KIR3DL2: variants seen among roughly 807,000 people sequenced by gnomAD.
The protein encoded by KIR3DL2 is killer cell immunoglobulin like receptor, three Ig domains and long cytoplasmic tail 2.
KIR3DL2 carries 42 observed loss-of-function variants against 41.6 expected under a neutral mutation model. The ratio of observed to expected loss-of-function variants is 1.01; its 90% confidence interval spans 0.79 to 1.31. The LOEUF is 1.31. KIR3DL2 is among the 50% of genes most tolerant of loss of function. The pLI, the probability that KIR3DL2 is intolerant of heterozygous loss-of-function variation, is 0.00. For synonymous variants in KIR3DL2, 230 were observed against 221.3 expected, an observed-to-expected ratio of 1.04 and a Z score of -0.35; for missense variants, 728 against 576.8, an observed-to-expected ratio of 1.26 and a Z score of -2.68.
At chr19:54,851,390 G>C (rs1601718479) in intron 2 of KIR3DL2, 135 bp downstream of exon 2, 1 of 931,726 alleles carries the variant, frequency 1.1e-6, no homozygotes, top group East Asian at 3.0e-5. Flanking sequence ...CCACATTTCT[G>C]ACCTCGCCCT....
Position 54,866,924 on chromosome 19 carries a change from C to T in KIR3DL2, c.*193C>T. 3.0e-6 allele frequency: 2 copies of T among 666,718 alleles called. No homozygotes were observed. The highest frequency in any genetic ancestry group is 4.0e-4 in the Middle Eastern group (1 of 2,514). The allele number at this position is 666,718 out of a possible 1,614,324, so 41.3% of individuals were successfully genotyped here. A position where few individuals can be genotyped will look rare whatever the true frequency, so the allele number is the denominator to read the frequency against. On this transcript the variant is annotated 3_prime_UTR_variant, in exon 9 of 9. Coordinates refer to ENST00000326321, the MANE Select transcript of KIR3DL2 (RefSeq NM_006737.4). Reference sequence around the variant, plus strand: ...GAGAAAACACACTCCTTTGCTTAGCCCACAAGTATCTATTTCACTTGACCC... The same window carrying T: ...GAGAAAACACACTCCTTTGCTTAGCTCACAAGTATCTATTTCACTTGACCC...
chr19:54,856,716 T>G (rs2064809044), intron 5 of KIR3DL2, among the ~76,000 whole-genome samples: 1 of 151,718 alleles, frequency 6.6e-6, no homozygotes, highest in Admixed American at 6.5e-5. Context: ...TTCTTTTTTT[T>G]GTTACCTTCC....
In KIR3DL2 at chr19:54,866,827, T is replaced by C. The variant is rs2065568457; in HGVS notation, c.*96T>C. ...CAGTCTGCATCTTAGGGGATCGCTC[T>C]TCCTCACACCACGAATCTGAACATG... On this transcript the variant is annotated 3_prime_UTR_variant, in exon 9 of 9. Coordinates refer to ENST00000326321, the MANE Select transcript of KIR3DL2 (RefSeq NM_006737.4). The C allele has an allele frequency of 7.6e-7, 1 of 1,319,364 alleles. No individual in the cohort carries two copies. Among genetic ancestry groups the C allele is most frequent in the South Asian group, 1.3e-5 (1 of 79,586 alleles). The allele number at this position is 1,319,364 out of a possible 1,614,324, so 81.7% of individuals were successfully genotyped here.
At chr19:54,852,609 G>A (rs1248156858) in intron 3 of KIR3DL2, among the ~76,000 whole-genome samples, 13 of 150,512 alleles carry the variant, frequency 8.6e-5, no homozygotes, top group African/African-American at 1.5e-4. Flanking sequence ...ACAAGGGTCC[G>A]CGTGAGAGGT....
chr19:54,866,797 G>C lies in KIR3DL2; in HGVS notation c.*66G>C. 6.5e-7 allele frequency: 1 copy of C among 1,534,938 alleles called. No homozygotes were observed. Among genetic ancestry groups the C allele is most frequent in the South Asian group, 1.1e-5 (1 of 89,004 alleles). ...AATGAACCAGCAGCTGGAATCTGAAGGCATCAGTCTGCATCTTAGGGGATC... is the reference window on the plus strand; with the variant it reads ...AATGAACCAGCAGCTGGAATCTGAACGCATCAGTCTGCATCTTAGGGGATC... On this transcript the variant is annotated 3_prime_UTR_variant, in exon 9 of 9. Transcript: ENST00000326321.
chr19:54,853,068 C>A (rs1368744635), intron 3 of KIR3DL2, among the ~76,000 whole-genome samples: 2 of 151,130 alleles, frequency 1.3e-5, no homozygotes, highest in African/African-American at 4.9e-5. Flanking sequence ...CAAGACAACA[C>A]CACTGCACTC....
intron 5 of KIR3DL2, 53 bp from the exon 6 acceptor site, chr19:54,859,026 A>C: frequency 6.4e-7 from 1 of 1,559,096 alleles, no homozygotes; most frequent in South Asian, 1.1e-5. Flanking sequence ...ATTTCCATTG[A>C]GTAGAGGACA....
In KIR3DL2 at chr19:54,866,921, A is replaced by C; in HGVS notation, c.*190A>C. ...GCAGAGAAAACACACTCCTTTGCTT[A>C]GCCCACAAGTATCTATTTCACTTGA... On this transcript the variant is annotated 3_prime_UTR_variant, in exon 9 of 9. Coordinates refer to ENST00000326321, the MANE Select transcript of KIR3DL2 (RefSeq NM_006737.4). 1 of 674,884 alleles carries C rather than the reference A, an allele frequency of 1.5e-6. No homozygotes were observed. Among genetic ancestry groups the C allele is most frequent in the Non-Finnish European group, 2.5e-6 (1 of 402,078 alleles). The allele number at this position is 674,884 out of a possible 1,614,324, so 41.8% of individuals were successfully genotyped here.
intron 6 of KIR3DL2, among the ~76,000 whole-genome samples, chr19:54,863,034 T>C: frequency 9.9e-6 from 1 of 100,668 alleles, no homozygotes; most frequent in Non-Finnish European, 1.8e-5. Context: ...GTCCCCAGAG[T>C]GTGATGTTCC....
Position 54,852,101 on chromosome 19 carries a change from C to T in KIR3DL2, c.174C>T (p.Phe58=). The T allele has an allele frequency of 6.2e-7, 1 of 1,612,946 alleles. No individual in the cohort carries two copies. The highest frequency in any genetic ancestry group is 8.5e-7 in the Non-Finnish European group (1 of 1,179,556). The change falls in exon 3 of 9, where the codon TTC becomes TTT. Residue 58 remains phenylalanine, a synonymous_variant. Coordinates refer to ENST00000326321, the MANE Select transcript of KIR3DL2 (RefSeq NM_006737.4). The part of the protein sequence containing the change: ...QCHYRRGFNN[F]MLYKEDRSHV... ...ACTATCGTCGTGGGTTTAACAATTT[C>T]ATGCTGTACAAAGAAGACAGAAGCC...
chr19:54,866,541 C>T lies in KIR3DL2; in HGVS notation c.1178C>T (p.Pro393Leu), dbSNP rs2065535014. Residue 393 changes from proline to leucine, a missense_variant, in exon 9 of 9, where the codon CCT (proline) becomes CTT (leucine). Coordinates refer to ENST00000326321, the MANE Select transcript of KIR3DL2 (RefSeq NM_006737.4). ...VNRQDSDEQD[P>L]QEVTYAQLDH... is the part of the protein sequence containing the mutation. ...CTCCAGGACTCTGATGAACAAGACC[C>T]TCAGGAGGTGACGTACGCACAGTTG... 7 of 1,613,856 alleles carry T rather than the reference C, an allele frequency of 4.3e-6. No homozygotes were observed. In the South Asian group the frequency reaches 5.5e-5, roughly 13 times the overall value.
intron 6 of KIR3DL2, 59 bp from the exon 7 acceptor site, chr19:54,865,746 C>G (rs1039157477): frequency 1.4e-6 from 2 of 1,405,786 alleles, no homozygotes; most frequent in African/African-American, 2.8e-5. Flanking sequence ...AGAAATGAGA[C>G]AATCCATAAA....
At chr19:54,850,779 AG>A (rs758129816) in intron 1 of KIR3DL2, among the ~76,000 whole-genome samples, 27 of 61,842 alleles carry the variant, frequency 4.4e-4, no homozygotes, top group African/African-American at 1.5e-3. Flanking sequence ...ATGGGCCTGC[AG>A]GTGGAGATCT....
In KIR3DL2 at chr19:54,866,614, G is replaced by T; in HGVS notation, c.1251G>T (p.Arg417Ser). 1 of 1,613,920 alleles carries T rather than the reference G, an allele frequency of 6.2e-7. No homozygotes were observed. The highest frequency in any genetic ancestry group is 8.5e-7 in the Non-Finnish European group (1 of 1,179,936). ...IQRKISRPSQRPKTPLTDTSV... is the reference protein window; with the variant it reads ...IQRKISRPSQSPKTPLTDTSV... The stretch of plus-strand genomic sequence containing the variant: ...GAAAAATCAGTCGCCCTTCTCAGAG[G>T]CCCAAGACACCCCTAACAGATACCA... The change falls in exon 9 of 9, where the codon AGG (arginine) becomes AGT (serine). Residue 417 changes from arginine to serine, a missense_variant. Arg to Ser is a moderately radical substitution (Grantham distance 110). Coordinates refer to ENST00000326321, the MANE Select transcript of KIR3DL2 (RefSeq NM_006737.4).
At chr19:54,856,944 G>A (rs1402171879) in intron 5 of KIR3DL2, among the ~76,000 whole-genome samples, 2 of 152,150 alleles carry the variant, frequency 1.3e-5, no homozygotes, top group Non-Finnish European at 2.9e-5. Context: ...CCACTGATAG[G>A]CAGGTAGGTT....
Position 54,855,595 on chromosome 19 carries a change from G to A in KIR3DL2, c.656-24G>A, listed in dbSNP as rs1451860150. 7 of 1,607,960 alleles carry A rather than the reference G, an allele frequency of 4.4e-6. No individual in the cohort carries two copies. The African/African-American group carries it at 8.1e-5, about 19-fold the overall frequency. On this transcript the variant is annotated intron_variant, in intron 4 of 8. Coordinates refer to ENST00000326321, the MANE Select transcript of KIR3DL2 (RefSeq NM_006737.4). ...CTGTGACAAGGAAGAACCTCCCTGA[G>A]GAAACTGCCTCTTCTCCTTCCAGGT... is the stretch of plus-strand genomic sequence containing the variant.
intron 6 of KIR3DL2, among the ~76,000 whole-genome samples, chr19:54,864,281 C>G (rs2065362246): frequency 6.6e-6 from 1 of 152,088 alleles, no homozygotes; most frequent in Non-Finnish European, 1.5e-5. Flanking sequence ...AGTTTGAAGT[C>G]AGGCAGCATG....
intron 3 of KIR3DL2, 70 bp downstream of exon 3, chr19:54,852,352 C>A (rs2064345144): frequency 1.9e-6 from 3 of 1,570,640 alleles, no homozygotes; most frequent in Non-Finnish European, 2.6e-6. Context: ...GTGGGGGTGT[C>A]CATCAGGGTC....
rs1188258486 is a variant in KIR3DL2, at chr19:54,866,740, C to T, written c.*9C>T. On this transcript the variant is annotated 3_prime_UTR_variant, in exon 9 of 9. Coordinates refer to ENST00000326321, the MANE Select transcript of KIR3DL2 (RefSeq NM_006737.4). ...TTGAGGGGGTTTTCTAGGGAGACAA[C>T]AGCCCTGTCTCAAAACCAGGTTGCC... The T allele has an allele frequency of 6.2e-6, 10 of 1,612,978 alleles. No homozygotes were observed. Among genetic ancestry groups the T allele is most frequent in the African/African-American group, 1.3e-5 (1 of 74,870 alleles).
Sources: allele counts gnomAD v4.1 joint callset (sites outside exome capture counted in the v4.1 genomes callset), GRCh38; gene constraint gnomAD v4.1.1; transcripts MANE v1.5; gene names NCBI Gene and HGNC (gene_info 2026-07-23, HGNC 2026-07-21).